Variants in SYCE2 observed in about 807,000 individuals in gnomAD.
SYCE2 encodes synaptonemal complex central element protein 2, also known as central element synaptonemal complex 1.
In SYCE2, 3 loss-of-function variants were observed where a neutral mutation model predicts 27.9. That is an observed-to-expected ratio of 0.11 (90% confidence interval 0.05 to 0.28). SYCE2 has a LOEUF of 0.28. Ranked by LOEUF, SYCE2 falls within the 10% of genes least tolerant of loss-of-function variation. SYCE2 has a pLI of 1.00. For synonymous variants in SYCE2, 85 were observed against 100.7 expected (o/e 0.84, Z 0.93); for missense variants, 207 against 263.5 (o/e 0.79, Z 1.48).
intron 2 of SYCE2, 191 bp from the exon 3 acceptor site, chr19:12,904,857 T>G: frequency 1.9e-6 from 1 of 533,976 alleles, no homozygotes; most frequent in Non-Finnish European, 3.3e-6. Flanking sequence ...AACAAAAAAT[T>G]AGCCAGGCAC....
intron 4 of SYCE2, 54 bp downstream of exon 4, chr19:12,900,406 G>A: frequency 1.9e-6 from 3 of 1,572,912 alleles, no homozygotes; most frequent in Admixed American, 1.8e-5. Context: ...CTCTTGGCTG[G>A]GCCATCCCTG....
At chr19:12,900,907 T>C (rs1970821241) in intron 3 of SYCE2, among the ~76,000 whole-genome samples, 1 of 152,002 alleles carries the variant, frequency 6.6e-6, no homozygotes, top group Non-Finnish European at 1.5e-5. Flanking sequence ...AGGACGGGTG[T>C]GGTGGCTCAC....
chr19:12,913,233 A>G (rs1971078638), intron 2 of SYCE2, among the ~76,000 whole-genome samples: 1 of 152,244 alleles, frequency 6.6e-6, no homozygotes, highest in East Asian at 1.9e-4. Flanking sequence ...GGATTAGGAC[A>G]TAGTTCCCAA....
chr19:12,901,702 G>A (rs1317211785), intron 3 of SYCE2, among the ~76,000 whole-genome samples: 1 of 151,844 alleles, frequency 6.6e-6, no homozygotes, highest in Non-Finnish European at 1.5e-5. Context: ...TGCAACCTCC[G>A]CCTCCTGGGT....
chr19:12,907,966 G>A (rs1017568924), intron 2 of SYCE2, among the ~76,000 whole-genome samples: 1 of 151,998 alleles, frequency 6.6e-6, no homozygotes, highest in Non-Finnish European at 1.5e-5. Flanking sequence ...ACAAAAATTA[G>A]CCGAGTGTGG....
chr19:12,910,981 CT>C (rs903712801), intron 2 of SYCE2, among the ~76,000 whole-genome samples: 17 of 151,130 alleles, frequency 1.1e-4, no homozygotes, highest in Non-Finnish European at 2.2e-4. Flanking sequence ...CCGGCCTGAC[CT>C]TTTTTTTTCT....
At chr19:12,903,545 C>A (rs374020623) in intron 3 of SYCE2, among the ~76,000 whole-genome samples, 1 of 151,762 alleles carries the variant, frequency 6.6e-6, no homozygotes, top group East Asian at 1.9e-4. Flanking sequence ...CACCACCATG[C>A]CCAGCTAATT....
At chr19:12,899,867 T>G in intron 5 of SYCE2, 137 bp downstream of exon 5, 1 of 1,590,018 alleles carries the variant, frequency 6.3e-7, no homozygotes, top group South Asian at 1.1e-5. Context: ...CCCCTCACAC[T>G]GAGTTCACAG....
intron 3 of SYCE2, among the ~76,000 whole-genome samples, chr19:12,901,161 T>G (rs186433453): frequency 7.3e-6 from 1 of 136,304 alleles, no homozygotes; most frequent in Non-Finnish European, 1.6e-5. Flanking sequence ...AGAGCAAGAC[T>G]CCATCTCAAA....
chr19:12,900,231 C>G, intron 4 of SYCE2, 111 bp from the exon 5 acceptor site: 1 of 1,314,352 alleles, frequency 7.6e-7, no homozygotes, highest in South Asian at 1.5e-5. Flanking sequence ...TCTGTCACCA[C>G]AGAGCTGCTC....
rs1041011938 is a variant in SYCE2, at chr19:12,899,826, C to G, written c.612+178G>C. ...GCAGCTTCTCTTGAGAGGAGAGTGA[C>G]ATGGAAGCAACTCCGTCTGCTGCAG... On this transcript the variant is annotated intron_variant, in intron 5 of 5. Coordinates refer to ENST00000293695, the MANE Select transcript of SYCE2 (RefSeq NM_001105578.2). The G allele has an allele frequency of 1.9e-6, 3 of 1,577,720 alleles. No homozygotes were observed. In the African/African-American group the frequency reaches 4.0e-5, roughly 21 times the overall value.
intron 2 of SYCE2, among the ~76,000 whole-genome samples, chr19:12,908,209 C>T (rs1305687007): frequency 4.6e-5 from 7 of 151,800 alleles, no homozygotes; most frequent in Non-Finnish European, 7.4e-5. Context: ...CTCCCCCAGC[C>T]GGCCACCTCC....
At chr19:12,908,771 C>T (rs1308486759) in intron 2 of SYCE2, among the ~76,000 whole-genome samples, 1 of 152,182 alleles carries the variant, frequency 6.6e-6, no homozygotes, top group African/African-American at 2.4e-5. Context: ...ATGCTGACCT[C>T]TTGGCAGCAG....
At chr19:12,899,732 A>G (rs1047846106) in intron 5 of SYCE2, 3 of 1,612,082 alleles carry the variant, frequency 1.9e-6, no homozygotes, top group Non-Finnish European at 2.5e-6. Context: ...AAGAAGATGG[A>G]ATTCTCTGTA....
chr19:12,909,697 G>C (rs1971008954), intron 2 of SYCE2, among the ~76,000 whole-genome samples: 1 of 151,854 alleles, frequency 6.6e-6, no homozygotes, highest in Admixed American at 6.6e-5. Context: ...CTCCCGAATA[G>C]CTGGGATTAC....
intron 2 of SYCE2, among the ~76,000 whole-genome samples, chr19:12,907,589 G>C (rs1187196494): frequency 6.6e-6 from 1 of 152,034 alleles, no homozygotes; most frequent in African/African-American, 2.4e-5. Flanking sequence ...TCAGGAGTTC[G>C]AGATCAGCCT....
chr19:12,908,148 C>A (rs1223955117), intron 2 of SYCE2, among the ~76,000 whole-genome samples: 2 of 151,896 alleles, frequency 1.3e-5, no homozygotes, highest in Non-Finnish European at 2.9e-5. Flanking sequence ...TTCAAACAAA[C>A]AAACAAAACA....
At chr19:12,900,685 CAA>C (rs753754116) in intron 3 of SYCE2, 37 bp from the exon 4 acceptor site, 53 of 1,569,864 alleles carry the variant, frequency 3.4e-5, no homozygotes, top group Middle Eastern at 2.1e-4. Flanking sequence ...GAAAATCAAA[CAA>C]GAGGTATCAC....
intron 1 of SYCE2, 58 bp from the exon 2 acceptor site, chr19:12,918,395 C>T: frequency 6.6e-7 from 1 of 1,514,368 alleles, no homozygotes; most frequent in Non-Finnish European, 9.2e-7. Context: ...AACAGATCGC[C>T]CTCCTGCCGA....
Sources: allele counts gnomAD v4.1 joint callset (sites outside exome capture counted in the v4.1 genomes callset), GRCh38; gene constraint gnomAD v4.1.1; transcripts MANE v1.5; gene names NCBI Gene and HGNC (gene_info 2026-07-23, HGNC 2026-07-21).